The following ZNF722 variants were observed in gnomAD, a reference collection of about 807,000 sequenced individuals.
ZNF722 encodes zinc finger protein 722.
At chr7:64,015,713 G>T in the ZNF722 span, 1 of 1,613,576 alleles carries the variant, frequency 6.2e-7, no homozygotes, top group Admixed American at 1.7e-5. Context: ...ATGACCACAA[G>T]AGAATTCATA....
At chr7:64,011,481 A>G in the ZNF722 span, among the ~76,000 whole-genome samples, 1 of 152,058 alleles carries the variant, frequency 6.6e-6, no homozygotes, top group Non-Finnish European at 1.5e-5. Context: ...TTGTCTGTAA[A>G]GTATTTTATT....
the ZNF722 span, chr7:64,005,668 C>T: frequency 2.0e-5 from 30 of 1,478,414 alleles, no homozygotes; most frequent in South Asian, 3.2e-4. Flanking sequence ...AGTGGCAATG[C>T]CTGGATTGTG....
chr7:64,012,887 C>T, the ZNF722 span, among the ~76,000 whole-genome samples: 2 of 152,148 alleles, frequency 1.3e-5, no homozygotes, highest in African/African-American at 4.8e-5. Flanking sequence ...AGAGTTCTCA[C>T]TCTCTTAATT....
the ZNF722 span, among the ~76,000 whole-genome samples, chr7:64,017,197 A>T: frequency 2.0e-5 from 3 of 152,184 alleles, no homozygotes; most frequent in East Asian, 5.8e-4. Context: ...CAGCCTGGCC[A>T]ACATGGTGAA....
the ZNF722 span, chr7:64,016,139 T>A: frequency 9.1e-6 from 4 of 440,540 alleles, no homozygotes; most frequent in Non-Finnish European, 1.2e-5. Flanking sequence ...AGAATTTATT[T>A]AAAAAAAATA....
At chr7:64,000,610 CT>C in the ZNF722 span, among the ~76,000 whole-genome samples, 2 of 151,210 alleles carry the variant, frequency 1.3e-5, no homozygotes, top group African/African-American at 2.4e-5. Flanking sequence ...ACCACCACAC[CT>C]AGCTGACATT....
At chr7:63,999,291 G>T in the ZNF722 span, among the ~76,000 whole-genome samples, 2 of 152,178 alleles carry the variant, frequency 1.3e-5, no homozygotes, top group Non-Finnish European at 2.9e-5. Flanking sequence ...GATTGTACAG[G>T]GATGGGAAAG....
chr7:64,015,644 A>T, the ZNF722 span: 1 of 1,613,930 alleles, frequency 6.2e-7, no homozygotes, highest in East Asian at 2.2e-5. Context: ...TTCATACTGG[A>T]GAGAGACCCT....
chr7:64,015,934 AGCCCTCAG>A, the ZNF722 span: 6 of 1,395,906 alleles, frequency 4.3e-6, no homozygotes, highest in South Asian at 7.3e-5. Flanking sequence ...GGCAAATTCT[AGCCCTCAG>A]GCCTTATAAT....
chr7:64,000,510 G>C, the ZNF722 span, among the ~76,000 whole-genome samples: 1 of 131,872 alleles, frequency 7.6e-6, no homozygotes, highest in African/African-American at 2.9e-5. Context: ...GAGTGCAGTG[G>C]TGCGATATTA....
At chr7:64,010,869 G>T in the ZNF722 span, among the ~76,000 whole-genome samples, 1 of 152,094 alleles carries the variant, frequency 6.6e-6, no homozygotes, top group African/African-American at 2.4e-5. Context: ...ATATTATTGT[G>T]TGAGTCTAAG....
At chr7:64,011,194 T>C in the ZNF722 span, among the ~76,000 whole-genome samples, 2 of 152,174 alleles carry the variant, frequency 1.3e-5, no homozygotes, top group African/African-American at 2.4e-5. Flanking sequence ...GGGTCTTGAC[T>C]CTTTATCCAA....
At chr7:64,005,837 C>T in the ZNF722 span, 3 of 1,153,902 alleles carry the variant, frequency 2.6e-6, no homozygotes, top group African/African-American at 3.2e-5. Context: ...ATTTTTAGCT[C>T]TCCAATTTTA....
chr7:64,000,125 T>TG, the ZNF722 span, among the ~76,000 whole-genome samples: 30 of 73,904 alleles, frequency 4.1e-4, no homozygotes, highest in South Asian at 1.1e-3. Flanking sequence ...CTTACTTTTT[T>TG]TTTTTTTTGT....
chr7:64,010,512 T>C, the ZNF722 span, among the ~76,000 whole-genome samples: 4 of 152,208 alleles, frequency 2.6e-5, no homozygotes, highest in Non-Finnish European at 5.9e-5. Flanking sequence ...CCAGTAGTCA[T>C]TCAGGAGCAG....
the ZNF722 span, among the ~76,000 whole-genome samples, chr7:63,999,618 G>A: frequency 6.6e-6 from 1 of 152,176 alleles, no homozygotes; most frequent in Non-Finnish European, 1.5e-5. Context: ...CCTTGGTTAT[G>A]TCATCAGAGA....
chr7:64,006,434 GA>G, the ZNF722 span: 4 of 717,538 alleles, frequency 5.6e-6, no homozygotes, highest in African/African-American at 7.5e-5. Flanking sequence ...GAGTTTCTGA[GA>G]GGCTCGAGTC....
At chr7:64,016,019 G>T in the ZNF722 span, 2 of 798,946 alleles carry the variant, frequency 2.5e-6, no homozygotes, top group African/African-American at 3.5e-5. Context: ...CCTTTAACAA[G>T]TTCCAAACCT....
the ZNF722 span, among the ~76,000 whole-genome samples, chr7:64,011,116 A>C: frequency 2.0e-5 from 3 of 151,520 alleles, no homozygotes; most frequent in South Asian, 4.2e-4. Context: ...ATCTTCCTCC[A>C]TCCTTTTATT....
Sources: allele counts gnomAD v4.1 joint callset (sites outside exome capture counted in the v4.1 genomes callset), GRCh38; gene constraint gnomAD v4.1.1; transcripts MANE v1.5; gene names NCBI Gene and HGNC (gene_info 2026-07-23, HGNC 2026-07-21).